CSMD1: variants seen among roughly 807,000 people sequenced by gnomAD.
The protein encoded by CSMD1 is CUB and sushi domain-containing protein 1.
CSMD1 carries 213 observed loss-of-function variants against 417.5 expected under a neutral mutation model. That is an observed-to-expected ratio of 0.51 (90% confidence interval 0.46 to 0.57). The LOEUF (loss-of-function observed/expected upper bound fraction) is 0.57. CSMD1 is among the 20% of genes least tolerant of loss of function. The probability of loss-of-function intolerance (pLI) is 0.00; values close to 1 mark genes in which losing one functional copy is unlikely to be tolerated. For missense variants in CSMD1, 6,923 were observed against 4,529.7 expected, an observed-to-expected ratio of 1.53 and a Z score of -15.17; for synonymous variants, 2,862 against 1,736.8, an observed-to-expected ratio of 1.65 and a Z score of -16.11.
rs556170471 is a variant in CSMD1 at position 3,598,024 on chromosome 8, T to G, written c.1098-11764A>C. 3.4e-4 allele frequency among the ~76,000 whole-genome samples: 52 copies of G among 152,328 alleles called. 2 individuals carry two copies. The South Asian group carries it at 6.0e-3, about 18-fold the overall frequency. ...TTGTATATCTCCTCTCTTTATCATT[T>G]GCCCTACTTCAGCCCAATAAAACAC... On this transcript the variant is annotated intron_variant, in intron 8 of 69. Transcript: ENST00000635120.
rs193255787 is a variant in CSMD1 at position 3,996,141 on chromosome 8, C to G, written c.818+1762G>C. 2.6e-5 allele frequency among the ~76,000 whole-genome samples: 4 copies of G among 152,242 alleles called. No homozygotes were observed. In the East Asian group the frequency reaches 7.7e-4, roughly 29 times the overall value. On this transcript the variant is annotated intron_variant, in intron 5 of 69. Transcript: ENST00000635120. ...TAAGTTTCTTTGGCAAAAGCTGCCACTGATCATAGGTTCTAGAATCACTAA... is the reference window on the plus strand; with the variant it reads ...TAAGTTTCTTTGGCAAAAGCTGCCAGTGATCATAGGTTCTAGAATCACTAA...
chr8:3,302,169 G>A (rs1467242538), intron 25 of CSMD1, among the ~76,000 whole-genome samples: 1 of 152,156 alleles, frequency 6.6e-6, no homozygotes, highest in Admixed American at 6.5e-5. Context: ...ATGATGAAAT[G>A]TGAGGAGTTG....
At chr8:4,014,049 G>C (rs1429142896) in intron 4 of CSMD1, among the ~76,000 whole-genome samples, 1 of 152,076 alleles carries the variant, frequency 6.6e-6, no homozygotes, top group East Asian at 1.9e-4. Context: ...ATGTGTATTG[G>C]AAATCAAAGG....
At chr8:4,859,530 C>G (rs528739975) in intron 1 of CSMD1, among the ~76,000 whole-genome samples, 4 of 152,222 alleles carry the variant, frequency 2.6e-5, no homozygotes, top group Admixed American at 6.5e-5. Flanking sequence ...GGGCAATATC[C>G]AGAATCTACA....
intron 11 of CSMD1, among the ~76,000 whole-genome samples, chr8:3,474,028 C>T (rs940541744): frequency 6.6e-6 from 1 of 151,974 alleles, no homozygotes; most frequent in African/African-American, 2.4e-5. Flanking sequence ...AAACTGCCCC[C>T]ATGATCCAAA....
chr8:3,223,649 T>G, intron 28 of CSMD1, 80 bp downstream of exon 28: 5 of 1,430,728 alleles, frequency 3.5e-6, no homozygotes, highest in Non-Finnish European at 4.9e-6. Flanking sequence ...CATTAGAGAC[T>G]ATGAGGTCAT....
At chr8:3,624,351 C>A (rs563945460) in intron 7 of CSMD1, among the ~76,000 whole-genome samples, 3 of 152,254 alleles carry the variant, frequency 2.0e-5, no homozygotes, top group Non-Finnish European at 2.9e-5. Flanking sequence ...CACAGATTGG[C>A]TTGAATGTTA....
chr8:4,461,468 T>A (rs1029650985), intron 2 of CSMD1, among the ~76,000 whole-genome samples: 1 of 136,230 alleles, frequency 7.3e-6, no homozygotes, highest in Non-Finnish European at 1.5e-5. Context: ...AGATATCCAT[T>A]AAAAACTATT....
At chr8:4,079,137 G>T (rs1053501610) in intron 3 of CSMD1, among the ~76,000 whole-genome samples, 1 of 151,584 alleles carries the variant, frequency 6.6e-6, no homozygotes, top group Admixed American at 6.6e-5. Context: ...TCAACTACTG[G>T]ATCATATAAA....
rs536717550 is a variant in CSMD1, at chr8:4,350,976, A to G, written c.415+68977T>C. Among the ~76,000 whole-genome samples, 5 of 152,264 alleles carry G rather than the reference A, an allele frequency of 3.3e-5. No individual in the cohort carries two copies. The South Asian group carries it at 1.0e-3, about 32-fold the overall frequency. ...CAAGTCATCGTTTAAAGCTTCTTTT[A>G]ATAATTTTGCCTCTCTGCTTAATCG... On this transcript the variant is annotated intron_variant, in intron 3 of 69. Transcript: ENST00000635120.
At chr8:4,668,453 T>TTA (rs1346575973) in intron 1 of CSMD1, among the ~76,000 whole-genome samples, 6 of 146,254 alleles carry the variant, frequency 4.1e-5, no homozygotes, top group African/African-American at 1.0e-4. Context: ...ATTATTATTA[T>TTA]TATTATTATT....
chr8:4,654,458 G>C (rs1200833797), intron 1 of CSMD1, among the ~76,000 whole-genome samples: 15 of 152,070 alleles, frequency 9.9e-5, no homozygotes, highest in African/African-American at 2.2e-4. Flanking sequence ...TAGGAACTTG[G>C]AGCATGAAGC....
chr8:4,117,650 C>T (rs1388763329), intron 3 of CSMD1, among the ~76,000 whole-genome samples: 1 of 152,176 alleles, frequency 6.6e-6, no homozygotes, highest in Non-Finnish European at 1.5e-5. Flanking sequence ...AGCGCCCGCA[C>T]TTCTGGGTGC....
At chr8:4,965,525 G>A (rs892133423) in intron 1 of CSMD1, among the ~76,000 whole-genome samples, 7 of 152,200 alleles carry the variant, frequency 4.6e-5, no homozygotes, top group East Asian at 1.9e-4. Context: ...AATGGGGCAT[G>A]TGGCCCTGGC....
chr8:3,828,249 A>G (rs1280093924), intron 5 of CSMD1, among the ~76,000 whole-genome samples: 1 of 152,092 alleles, frequency 6.6e-6, no homozygotes, highest in Admixed American at 6.6e-5. Flanking sequence ...AATAAATGAC[A>G]ACGTTATGTA....
chr8:4,900,561 T>G (rs561105285), intron 1 of CSMD1, among the ~76,000 whole-genome samples: 1 of 152,144 alleles, frequency 6.6e-6, no homozygotes, highest in African/African-American at 2.4e-5. Flanking sequence ...TGCATGCTTC[T>G]CCCAGTGCCA....
intron 1 of CSMD1, among the ~76,000 whole-genome samples, chr8:4,922,450 C>G (rs916444579): frequency 6.6e-6 from 1 of 152,102 alleles, no homozygotes; most frequent in Non-Finnish European, 1.5e-5. Context: ...GCAATAAGAA[C>G]TTCTAATAAC....
At chr8:4,717,260 T>G (rs1468508324) in intron 1 of CSMD1, among the ~76,000 whole-genome samples, 1 of 149,578 alleles carries the variant, frequency 6.7e-6, no homozygotes, top group Non-Finnish European at 1.5e-5. Context: ...AGGATGAAAA[T>G]AGGGCCTCAA....
chr8:3,487,345 G>T (rs1033749670), intron 11 of CSMD1, among the ~76,000 whole-genome samples: 2 of 152,096 alleles, frequency 1.3e-5, no homozygotes, highest in Admixed American at 1.3e-4. Context: ...GGGACTACAG[G>T]CGCCCGCCAC....
Sources: allele counts gnomAD v4.1 joint callset (sites outside exome capture counted in the v4.1 genomes callset), GRCh38; gene constraint gnomAD v4.1.1; transcripts MANE v1.5; gene names NCBI Gene and HGNC (gene_info 2026-07-23, HGNC 2026-07-21).